The following MYO6 variants were observed in gnomAD, a reference collection of about 807,000 sequenced individuals.
MYO6 encodes the protein myosin VI.
Under a neutral mutation model 178.7 loss-of-function variants are expected in MYO6, and 74 were observed. The ratio of observed to expected loss-of-function variants is 0.41; its 90% confidence interval spans 0.34 to 0.50. The LOEUF is 0.50. Ranked by LOEUF, MYO6 falls within the 20% of genes least tolerant of loss-of-function variation. The probability of loss-of-function intolerance (pLI) is 0.09; values close to 1 mark genes in which losing one functional copy is unlikely to be tolerated. For synonymous variants in MYO6, 477 were observed against 504.6 expected (o/e 0.95, Z 0.73); for missense variants, 1,330 against 1,547.4 (o/e 0.86, Z 2.36).
At chr6:75,894,908 C>A in intron 28 of MYO6, 1 of 1,062,970 alleles carries the variant, frequency 9.4e-7, no homozygotes, top group Middle Eastern at 2.5e-4. Context: ...ACATATGATT[C>A]TTGATGCAAA....
In MYO6 at chr6:75,776,538, C is replaced by G. The variant is rs1362947625; in HGVS notation, c.-48+27115C>G. The stretch of plus-strand genomic sequence containing the variant: ...AAATAATACAGCGGTTGGCATTCCC[C>G]TAGGCCACCACCTGGTTGCTCTTCC... On this transcript the variant is annotated intron_variant, in intron 1 of 34. Transcript: ENST00000369977. 2.0e-5 allele frequency among the ~76,000 whole-genome samples: 3 copies of G among 152,190 alleles called. No homozygotes were observed. In the South Asian group the frequency reaches 6.2e-4, roughly 32 times the overall value.
rs536367480 is a variant in MYO6, at chr6:75,756,620, A to T, written c.-48+7197A>T. On this transcript the variant is annotated intron_variant, in intron 1 of 34. Coordinates refer to ENST00000369977, the MANE Select transcript of MYO6 (RefSeq NM_004999.4). ...ACTGCTGAGATTACAGGCATGAGCC[A>T]CTGTGCCTGGCCAATAGCAGCTATT... is the stretch of plus-strand genomic sequence containing the variant. 2.6e-4 allele frequency among the ~76,000 whole-genome samples: 40 copies of T among 152,280 alleles called. No homozygotes were observed. In the South Asian group the frequency reaches 8.3e-3, roughly 32 times the overall value.
chr6:75,860,079 C>T (rs544646162), intron 14 of MYO6, among the ~76,000 whole-genome samples: 38 of 152,224 alleles, frequency 2.5e-4, no homozygotes, highest in Middle Eastern at 3.2e-3. Flanking sequence ...CCTGGAGTGC[C>T]TCTGGGCAGT....
intron 1 of MYO6, among the ~76,000 whole-genome samples, chr6:75,813,742 G>C (rs866747178): frequency 2.0e-5 from 3 of 152,282 alleles, no homozygotes; most frequent in South Asian, 4.1e-4. Context: ...GGGCTCTTTA[G>C]TCAGCAGGTG....
intron 30 of MYO6, among the ~76,000 whole-genome samples, chr6:75,903,850 T>C (rs1780033346): frequency 6.6e-6 from 1 of 152,040 alleles, no homozygotes; most frequent in African/African-American, 2.4e-5. Context: ...TGGCATGATT[T>C]TGCAGCGGCT....
intron 5 of MYO6, among the ~76,000 whole-genome samples, chr6:75,832,305 A>G (rs1773178999): frequency 6.6e-6 from 1 of 152,196 alleles, no homozygotes; most frequent in South Asian, 2.1e-4. Context: ...AAAAAACCCC[A>G]CAGATATAAT....
At chr6:75,900,112 C>A (rs1779630911) in intron 30 of MYO6, among the ~76,000 whole-genome samples, 1 of 151,992 alleles carries the variant, frequency 6.6e-6, no homozygotes, top group Non-Finnish European at 1.5e-5. Flanking sequence ...ATATGTGCCA[C>A]ATTTTCTTAA....
chr6:75,791,182 C>G (rs1583087944), intron 1 of MYO6, among the ~76,000 whole-genome samples: 1 of 152,198 alleles, frequency 6.6e-6, no homozygotes, highest in Non-Finnish European at 1.5e-5. Context: ...ATCCACCCAC[C>G]TTGGCCTCCC....
intron 22 of MYO6, among the ~76,000 whole-genome samples, chr6:75,881,423 T>TC (rs36036090): frequency 0.033 from 3,986 of 120,322 alleles, 148 homozygotes; most frequent in African/African-American, 0.096. Flanking sequence ...TTAAAAGTCA[T>TC]CCCCCCCCCC....
rs1583350982 is a variant in MYO6 at position 75,881,785 on chromosome 6, A to G, written c.2383A>G (p.Lys795Glu). The part of the protein sequence containing the change: ...NHWLTCSRWK[K>E]VQWCSLSVIK... ...CTGGCTCACATGCAGTCGCTGGAAGAAAGTTCAGTGGTGCTCACTCTCAGT... is the reference window on the plus strand; with the variant it reads ...CTGGCTCACATGCAGTCGCTGGAAGGAAGTTCAGTGGTGCTCACTCTCAGT... The change falls in exon 23 of 35, where the codon AAA (lysine) becomes GAA (glutamate). Residue 795 changes from lysine (K) to glutamate (E), a missense_variant. Around this residue, in one of 3 missense-constraint regions of MYO6, gnomAD observed 601 missense variants for 626.1 expected, o/e 0.96. Transcript: ENST00000369977. 2 of 1,613,960 alleles carry G rather than the reference A, an allele frequency of 1.2e-6. No individual in the cohort carries two copies. Among genetic ancestry groups the G allele is most frequent in the South Asian group, 2.2e-5 (2 of 91,080 alleles).
intron 14 of MYO6, among the ~76,000 whole-genome samples, chr6:75,859,345 G>A (rs1775994997): frequency 6.6e-6 from 1 of 151,868 alleles, no homozygotes; most frequent in Non-Finnish European, 1.5e-5. Flanking sequence ...TGTTGCTCAG[G>A]CTGGAGTGCA....
intron 12 of MYO6, 44 bp from the exon 13 acceptor site, chr6:75,857,053 G>A: frequency 1.9e-6 from 3 of 1,590,520 alleles, no homozygotes; most frequent in Non-Finnish European, 2.6e-6. Flanking sequence ...TTTTCACAGT[G>A]CACTATTATA....
chr6:75,817,378 G>T, intron 1 of MYO6, 123 bp from the exon 2 acceptor site: 5 of 622,108 alleles, frequency 8.0e-6, no homozygotes, highest in African/African-American at 1.8e-5. Context: ...GGGATTTTAT[G>T]TGGCATGGGC....
chr6:75,795,232 G>A lies in MYO6; in HGVS notation c.-47-22269G>A, dbSNP rs1414147399. Among the ~76,000 whole-genome samples, 3 of 152,162 alleles carry A rather than the reference G, an allele frequency of 2.0e-5. No homozygotes were observed. In the East Asian group the frequency reaches 5.8e-4, roughly 29 times the overall value. ...AGAAATCATCCTATGTTGGTGGTTA[G>A]GAGTCAAGGCAAAATGCCTGCAGCA... On this transcript the variant is annotated intron_variant, in intron 1 of 34. Coordinates refer to ENST00000369977, the MANE Select transcript of MYO6 (RefSeq NM_004999.4).
At chr6:75,838,584 T>C (rs1773880154) in intron 7 of MYO6, among the ~76,000 whole-genome samples, 1 of 151,962 alleles carries the variant, frequency 6.6e-6, no homozygotes, top group Admixed American at 6.6e-5. Context: ...GGGAGACCTG[T>C]AATTGAGTCC....
At chr6:75,854,008 C>G (rs1775516522) in intron 11 of MYO6, among the ~76,000 whole-genome samples, 1 of 152,054 alleles carries the variant, frequency 6.6e-6, no homozygotes, top group Non-Finnish European at 1.5e-5. Context: ...GGTCACATAG[C>G]TAGTAGTTGT....
At chr6:75,898,771 C>T (rs1779508437) in intron 30 of MYO6, among the ~76,000 whole-genome samples, 1 of 152,090 alleles carries the variant, frequency 6.6e-6, no homozygotes. Flanking sequence ...GGTGGTGCTG[C>T]CCCTAATTTG....
At position 75,805,000 on chromosome 6, in the gene MYO6, C is replaced by CATATAT. The variant is rs1421900058; in HGVS notation, c.-47-12500_-47-12499insTATATA. ...ACACACACATATATATATACACACA[C>CATATAT]ACATATATATATATATATATATTTT... On this transcript the variant is annotated intron_variant, in intron 1 of 34. Coordinates refer to ENST00000369977, the MANE Select transcript of MYO6 (RefSeq NM_004999.4). Among the ~76,000 whole-genome samples the CATATAT allele has an allele frequency of 1.3e-3, 85 of 65,616 alleles. 1 individual carries two copies. The highest frequency in any genetic ancestry group is 5.7e-3 in the Middle Eastern group (1 of 176). 43.0% of individuals were successfully genotyped at this position (65,616 alleles called of 152,430 possible).
intron 11 of MYO6, among the ~76,000 whole-genome samples, chr6:75,854,127 C>A (rs1775525526): frequency 6.6e-6 from 1 of 152,126 alleles, no homozygotes; most frequent in Admixed American, 6.6e-5. Flanking sequence ...GCAAAAATGA[C>A]CTGCCTGGCC....
Sources: gnomAD v4.1 joint callset for allele counts (sites outside exome capture counted in the v4.1 genomes callset) on GRCh38, gnomAD v4.1.1 for gene constraint, gnomAD v4.1.1 regional missense constraint, MANE v1.5 for transcripts, NCBI Gene and HGNC (gene_info 2026-07-23, HGNC 2026-07-21) for gene names.